CACNA2D1: variants seen among roughly 807,000 people sequenced by gnomAD.
CACNA2D1 encodes voltage-dependent calcium channel subunit alpha-2/delta-1.
CACNA2D1 carries 53 observed loss-of-function variants against 171.5 expected under a neutral mutation model. That is an observed-to-expected ratio of 0.31 (90% CI 0.25 to 0.39). The LOEUF is 0.39. CACNA2D1 is among the 10% of genes least tolerant of loss of function. CACNA2D1 has a pLI of 1.00. For missense variants in CACNA2D1, 903 were observed against 1,299.8 expected (o/e 0.69, Z 4.69); for synonymous variants, 442 against 443.1 (o/e 1.00, Z 0.03).
chr7:81,974,516 GTTA>G lies in CACNA2D1; in HGVS notation c.1989_1991del (p.Asn664del). On this transcript the variant is annotated inframe_deletion, in exon 25 of 39. Transcript: ENST00000356860. ...CGTTGAAATTTAAAAGAAATTCAGT[GTTA>G]TTATCCGATATTTTCAGGTCATTGC... 1 of 1,568,080 alleles carries G rather than the reference GTTA, an allele frequency of 6.4e-7. No homozygotes were observed. Among genetic ancestry groups the G allele is most frequent in the Non-Finnish European group, 8.8e-7 (1 of 1,140,560 alleles).
chr7:82,113,825 G>A (rs1788718403), intron 6 of CACNA2D1, among the ~76,000 whole-genome samples: 1 of 152,100 alleles, frequency 6.6e-6, no homozygotes, highest in Admixed American at 6.5e-5. Context: ...TATTCATGCA[G>A]CTTATAACAT....
At chr7:82,067,440 G>C (rs1429142283) in intron 7 of CACNA2D1, among the ~76,000 whole-genome samples, 2 of 152,048 alleles carry the variant, frequency 1.3e-5, no homozygotes, top group African/African-American at 4.8e-5. Flanking sequence ...CTGAGAGTCA[G>C]GTTTATTAGC....
chr7:82,117,407 A>C (rs1789194601), intron 5 of CACNA2D1, among the ~76,000 whole-genome samples: 1 of 152,128 alleles, frequency 6.6e-6, no homozygotes, highest in Admixed American at 6.6e-5. Context: ...TGATTTCCTC[A>C]ATGTTGGAGT....
At chr7:82,295,533 C>G (rs1014940780) in intron 3 of CACNA2D1, among the ~76,000 whole-genome samples, 1 of 148,908 alleles carries the variant, frequency 6.7e-6, no homozygotes, top group Non-Finnish European at 1.5e-5. Flanking sequence ...TTTTTTTTTT[C>G]TTTTAAGAGA....
chr7:82,033,240 T>C (rs375602002), intron 11 of CACNA2D1, among the ~76,000 whole-genome samples: 1 of 152,056 alleles, frequency 6.6e-6, no homozygotes, highest in East Asian at 1.9e-4. Context: ...TTTATATACA[T>C]ATTTTATTTT....
chr7:82,006,197 T>A (rs1799102183), intron 16 of CACNA2D1, among the ~76,000 whole-genome samples: 1 of 152,052 alleles, frequency 6.6e-6, no homozygotes, highest in South Asian at 2.1e-4. Context: ...TTAGATTGAC[T>A]TTATGGTTTA....
chr7:82,141,144 T>A (rs1792336333), intron 4 of CACNA2D1, among the ~76,000 whole-genome samples: 1 of 152,072 alleles, frequency 6.6e-6, no homozygotes, highest in South Asian at 2.1e-4. Context: ...AAATATATAT[T>A]AAGATATGTC....
At chr7:82,348,240 C>G (rs1241385125) in intron 2 of CACNA2D1, among the ~76,000 whole-genome samples, 1 of 152,142 alleles carries the variant, frequency 6.6e-6, no homozygotes, top group Non-Finnish European at 1.5e-5. Context: ...TCCATAAACT[C>G]CATGACTTTC....
intron 1 of CACNA2D1, among the ~76,000 whole-genome samples, chr7:82,352,994 G>T (rs528425953): frequency 1.3e-5 from 2 of 152,212 alleles, no homozygotes; most frequent in East Asian, 1.9e-4. Context: ...ATAACGGAGA[G>T]ATATTAGAAA....
At chr7:82,206,434 A>G (rs1800008630) in intron 3 of CACNA2D1, among the ~76,000 whole-genome samples, 1 of 152,284 alleles carries the variant, frequency 6.6e-6, no homozygotes, top group African/African-American at 2.4e-5. Flanking sequence ...AGTAACAACC[A>G]TGCATATTTT....
At chr7:82,223,786 G>C (rs922582638) in intron 3 of CACNA2D1, among the ~76,000 whole-genome samples, 3 of 152,092 alleles carry the variant, frequency 2.0e-5, no homozygotes, top group Admixed American at 1.3e-4. Flanking sequence ...CTCCACAAAG[G>C]AGCCATAATG....
chr7:82,197,130 G>T (rs909790077), intron 3 of CACNA2D1, among the ~76,000 whole-genome samples: 2 of 151,746 alleles, frequency 1.3e-5, no homozygotes, highest in African/African-American at 4.8e-5. Flanking sequence ...TGTCTCCAAG[G>T]TTACATCGTT....
intron 2 of CACNA2D1, among the ~76,000 whole-genome samples, chr7:82,345,681 A>AGTGTGTGTGT (rs3054696): frequency 0.021 from 3,068 of 146,398 alleles, 37 homozygotes; most frequent in African/African-American, 0.029. Context: ...TAGCTAAAGG[A>AGTGTGTGTGT]GTGTGTGTGT....
At chr7:82,380,521 G>C (rs1310975998) in intron 1 of CACNA2D1, among the ~76,000 whole-genome samples, 1 of 152,062 alleles carries the variant, frequency 6.6e-6, no homozygotes, top group East Asian at 1.9e-4. Context: ...TTTTTATAGA[G>C]ACAGGCGGCA....
chr7:82,300,918 CTGGTGT>C (rs1812919966), intron 3 of CACNA2D1, among the ~76,000 whole-genome samples: 6 of 152,060 alleles, frequency 3.9e-5, no homozygotes, highest in African/African-American at 1.4e-4. Flanking sequence ...ATCTGTATTA[CTGGTGT>C]TAGTGATTAT....
intron 3 of CACNA2D1, among the ~76,000 whole-genome samples, chr7:82,252,664 G>T (rs1805789614): frequency 6.6e-6 from 1 of 152,160 alleles, no homozygotes; most frequent in Non-Finnish European, 1.5e-5. Context: ...GGCCAAGGCG[G>T]GCAGATCATG....
chr7:82,094,120 G>C (rs557802026), intron 6 of CACNA2D1, among the ~76,000 whole-genome samples: 1 of 152,210 alleles, frequency 6.6e-6, no homozygotes, highest in South Asian at 2.1e-4. Flanking sequence ...TTAGAGCAAA[G>C]AGTTGCCTGG....
intron 3 of CACNA2D1, among the ~76,000 whole-genome samples, chr7:82,205,629 A>T (rs1055423307): frequency 1.3e-5 from 2 of 152,208 alleles, no homozygotes; most frequent in Non-Finnish European, 2.9e-5. Flanking sequence ...CAAATAGTCT[A>T]AGTTATTAGA....
intron 3 of CACNA2D1, among the ~76,000 whole-genome samples, chr7:82,312,683 A>AT (rs60040027): frequency 0.09 from 13,091 of 144,728 alleles, 1,675 homozygotes; most frequent in African/African-American, 0.29. Context: ...TGCCCAGCTA[A>AT]TTTTTTTTTT....
Sources: allele counts gnomAD v4.1 joint callset (sites outside exome capture counted in the v4.1 genomes callset), GRCh38; gene constraint gnomAD v4.1.1; transcripts MANE v1.5; gene names NCBI Gene and HGNC (gene_info 2026-07-23, HGNC 2026-07-21).